KCNJ15: variants seen among roughly 807,000 people sequenced by gnomAD.
The protein encoded by KCNJ15 is ATP-sensitive inward rectifier potassium channel 15.
Under a neutral mutation model 23.0 loss-of-function variants are expected in KCNJ15, and 14 were observed. The observed-to-expected ratio is 0.61, with a 90% CI of 0.40 to 0.95. The LOEUF is 0.95. Among genes scored for constraint, KCNJ15 ranks in the 40% least tolerant of loss-of-function variants. KCNJ15 has a pLI of 0.00. For synonymous variants in KCNJ15, 185 were observed against 183.2 expected (o/e 1.01, Z -0.08); for missense variants, 388 against 461.8 (o/e 0.84, Z 1.46).
At chr21:38,246,636 A>T (rs1332232246) in intron 1 of KCNJ15, among the ~76,000 whole-genome samples, 1 of 152,216 alleles carries the variant, frequency 6.6e-6, no homozygotes, top group East Asian at 1.9e-4. Flanking sequence ...TTAATTTTTA[A>T]AAAAGAGGAA....
intron 1 of KCNJ15, chr21:38,272,541 C>T (rs1343387491): frequency 1.3e-5 from 2 of 152,342 alleles, no homozygotes; most frequent in Non-Finnish European, 2.9e-5. Context: ...GATTGGGCCC[C>T]AGCACCTGGA....
At position 38,299,224 on chromosome 21, in the gene KCNJ15, A is replaced by T. The variant is rs766416396; in HGVS notation, c.-18-20A>T. 1.7e-5 allele frequency: 26 copies of T among 1,557,098 alleles called. No homozygotes were observed. The highest frequency in any genetic ancestry group is 2.3e-5 in the Non-Finnish European group (26 of 1,146,470). On this transcript the variant is annotated intron_variant, in intron 2 of 2. Transcript: ENST00000398938. The surrounding 1 kb of genome is among the most constrained non-coding windows in gnomAD (Gnocchi z 4.5). ...CCACCACATATGGCGATAATGAAAC[A>T]TCTTTGTCATTTCTCTAAGTGTTTC...
At chr21:38,246,893 T>C in intron 1 of KCNJ15, among the ~76,000 whole-genome samples, 1 of 152,244 alleles carries the variant, frequency 6.6e-6, no homozygotes. Flanking sequence ...CACTTGAACT[T>C]AGCCCTTCTG....
At chr21:38,249,605 G>A (rs1170967051) in intron 1 of KCNJ15, among the ~76,000 whole-genome samples, 3 of 152,224 alleles carry the variant, frequency 2.0e-5, no homozygotes, top group African/African-American at 7.2e-5. Context: ...GTCACTGCAT[G>A]TCTAGTCTGT....
At chr21:38,256,378 A>ATATATG (rs1555882101), upstream of KCNJ15, among the ~76,000 whole-genome samples, 525 of 143,640 alleles carry the variant, frequency 3.7e-3, 27 homozygotes, top group African/African-American at 0.013. Flanking sequence ...ATATATATAT[A>ATATATG]TAATATTTAT....
intron 1 of KCNJ15, among the ~76,000 whole-genome samples, chr21:38,249,284 A>C (rs1223440872): frequency 6.6e-6 from 1 of 152,168 alleles, no homozygotes; most frequent in Non-Finnish European, 1.5e-5. Flanking sequence ...TTGATAACCC[A>C]AGTACTTTTT....
chr21:38,259,149 C>T (rs1171769426), intron 1 of KCNJ15, among the ~76,000 whole-genome samples: 1 of 152,184 alleles, frequency 6.6e-6, no homozygotes, highest in African/African-American at 2.4e-5. Flanking sequence ...TTAATCAGTA[C>T]ATGTCAAATC....
Position 38,299,547 on chromosome 21 carries a change from G to C in KCNJ15, c.286G>C (p.Glu96Gln). 2.5e-6 allele frequency: 4 copies of C among 1,614,134 alleles called. No homozygotes were observed. Among genetic ancestry groups the C allele is most frequent in the Non-Finnish European group, 3.4e-6 (4 of 1,180,018 alleles). The change falls in exon 3 of 3, where the codon GAA becomes CAA. Residue 96 changes from glutamate (E) to glutamine (Q), a missense_variant. Physicochemically the swap from Glu to Gln is conservative, Grantham distance 29 (BLOSUM62 2). Transcript: ENST00000398938. The surrounding 1 kb of genome is among the most constrained non-coding windows in gnomAD (Gnocchi z 4.5). Reference sequence around the variant, plus strand: ...CATCGCGTTTATTCATGGGGACTTAGAACCCGGTGAGCCCATTTCAAATCA... The same window carrying C: ...CATCGCGTTTATTCATGGGGACTTACAACCCGGTGAGCCCATTTCAAATCA... ...YAIAFIHGDL[E>Q]PGEPISNHTP...
intron 1 of KCNJ15, among the ~76,000 whole-genome samples, chr21:38,286,034 G>T (rs1234411195): frequency 6.6e-6 from 1 of 152,174 alleles, no homozygotes; most frequent in South Asian, 2.1e-4. Context: ...ACGAGGTCAG[G>T]AGATTGAGAC....
chr21:38,300,367 T>G lies in KCNJ15; in HGVS notation c.1106T>G (p.Leu369Ter). 2 of 1,612,162 alleles carry G rather than the reference T, an allele frequency of 1.2e-6. No individual in the cohort carries two copies. The highest frequency in any genetic ancestry group is 1.7e-6 in the Non-Finnish European group (2 of 1,178,836). ...AGGGAAAGAGAACTGAGGACACTTTTATTACAACAGAGCAATGTCTGATCA... is the reference window on the plus strand; with the variant it reads ...AGGGAAAGAGAACTGAGGACACTTTGATTACAACAGAGCAATGTCTGATCA... ...DQRERELRTL[L>*]LQQSNV The change falls in exon 3 of 3, where the codon TTA becomes TGA. Residue 369 changes from leucine to a stop codon, truncating the protein, a stop_gained. Coordinates refer to ENST00000398938, the MANE Select transcript of KCNJ15 (RefSeq NM_170736.3). LOFTEE classifies it high-confidence loss of function.
chr21:38,301,682 C>T lies in KCNJ15; in HGVS notation c.*1293C>T, dbSNP rs974982312. The T allele has an allele frequency of 6.0e-6, 1 of 166,958 alleles. No individual in the cohort carries two copies. Among genetic ancestry groups the T allele is most frequent in the African/African-American group, 2.4e-5 (1 of 41,422 alleles). The allele number at this position is 166,958 out of a possible 1,614,324, so 10.3% of individuals were successfully genotyped here. ...ATGCATGAACAAGATTTGAAAATCT[C>T]AAGCCTGTAAAGAATACCCCTGCTA... On this transcript the variant is annotated 3_prime_UTR_variant, in exon 3 of 3. Transcript: ENST00000398938.
intron 1 of KCNJ15, among the ~76,000 whole-genome samples, chr21:38,280,673 G>A (rs150994003): frequency 6.6e-6 from 1 of 152,044 alleles, no homozygotes; most frequent in South Asian, 2.1e-4. Flanking sequence ...CTGACTACAG[G>A]ATCATTTTGT....
At chr21:38,258,890 C>A (rs772756873) in intron 1 of KCNJ15, among the ~76,000 whole-genome samples, 7 of 152,120 alleles carry the variant, frequency 4.6e-5, no homozygotes, top group Non-Finnish European at 8.8e-5. Context: ...CACATGCCAG[C>A]AAACCTGAGA....
chr21:38,301,164 T>A lies in KCNJ15; in HGVS notation c.*775T>A. Reference sequence around the variant, plus strand: ...CATCCGAGAGCTTATTAGTAATGTGTAGATTCTCATGTCCCAGCCAGACTT... The same window carrying A: ...CATCCGAGAGCTTATTAGTAATGTGAAGATTCTCATGTCCCAGCCAGACTT... On this transcript the variant is annotated 3_prime_UTR_variant, in exon 3 of 3. Coordinates refer to ENST00000398938, the MANE Select transcript of KCNJ15 (RefSeq NM_170736.3). The A allele has an allele frequency of 6.0e-6, 1 of 167,240 alleles. No homozygotes were observed. 10.4% of individuals were successfully genotyped at this position (167,240 alleles called of 1,614,324 possible). A position where few individuals can be genotyped will look rare whatever the true frequency, so the allele number is the denominator to read the frequency against.
chr21:38,242,103 T>C (rs1275398416), intron 1 of KCNJ15, among the ~76,000 whole-genome samples: 1 of 152,120 alleles, frequency 6.6e-6, no homozygotes, highest in Non-Finnish European at 1.5e-5. Flanking sequence ...CTGATGATCC[T>C]GGAGCCCACG....
At chr21:38,248,381 C>T (rs1424347905) in intron 1 of KCNJ15, among the ~76,000 whole-genome samples, 3 of 152,186 alleles carry the variant, frequency 2.0e-5, no homozygotes, top group Non-Finnish European at 4.4e-5. Context: ...CAATGCAAGG[C>T]ACTTCAGGAA....
chr21:38,252,298 C>T (rs549119105), upstream of KCNJ15, among the ~76,000 whole-genome samples: 1 of 152,256 alleles, frequency 6.6e-6, no homozygotes, highest in East Asian at 1.9e-4. Context: ...CAATTGTTCC[C>T]ACCTCTGGAA....
At chr21:38,237,288 G>A (rs1978672497) in intron 1 of KCNJ15, 1 of 152,282 alleles carries the variant, frequency 6.6e-6, no homozygotes. Flanking sequence ...AGAGAGACTG[G>A]CTTGGCGTTT....
chr21:38,251,597 A>T (rs918350492), intron 1 of KCNJ15, among the ~76,000 whole-genome samples: 1 of 152,226 alleles, frequency 6.6e-6, no homozygotes, highest in African/African-American at 2.4e-5. Context: ...GCCGTGGCAA[A>T]TGTGCACTCA....
Sources: allele counts gnomAD v4.1 joint callset (sites outside exome capture counted in the v4.1 genomes callset), GRCh38; gene constraint gnomAD v4.1.1; non-coding constraint Gnocchi (gnomAD v3.1); transcripts MANE v1.5; gene names NCBI Gene and HGNC (gene_info 2026-07-23, HGNC 2026-07-21).